Variants in SOX6 observed in about 807,000 individuals in gnomAD.
SOX6 encodes the protein SRY-box transcription factor 6.
SOX6 carries 11 observed loss-of-function variants against 97.8 expected under a neutral mutation model. That is an observed-to-expected ratio of 0.11 (90% confidence interval 0.07 to 0.19). The LOEUF is 0.19. Ranked by LOEUF, SOX6 falls within the 10% of genes least tolerant of loss-of-function variation. The probability of loss-of-function intolerance (pLI) is 1.00; values close to 1 mark genes in which losing one functional copy is unlikely to be tolerated. For missense variants in SOX6, 810 were observed against 1,039.5 expected (o/e 0.78, Z 3.04); for synonymous variants, 360 against 371.4 (o/e 0.97, Z 0.35).
intron 13 of SOX6, among the ~76,000 whole-genome samples, chr11:16,014,306 G>C (rs1854818787): frequency 6.6e-6 from 1 of 152,088 alleles, no homozygotes; most frequent in African/African-American, 2.4e-5. Flanking sequence ...AGGAAGGCTG[G>C]TCTTTCCACC....
At position 15,996,129 on chromosome 11, in the gene SOX6, T is replaced by C. The variant is rs183727421; in HGVS notation, c.1733-6899A>G. Among the ~76,000 whole-genome samples the C allele has an allele frequency of 4.7e-3, 723 of 152,286 alleles. 2 individuals are homozygous for C. The highest frequency in any genetic ancestry group is 0.01 in the Middle Eastern group (3 of 294). On this transcript the variant is annotated intron_variant, in intron 13 of 15. Coordinates refer to ENST00000683767, the MANE Select transcript of SOX6 (RefSeq NM_001367873.1). ...TTTTAAAAGACAAGGAACTATTTAATACAAAATATAACATCGTATTGTGGG... is the reference window on the plus strand; with the variant it reads ...TTTTAAAAGACAAGGAACTATTTAACACAAAATATAACATCGTATTGTGGG...
At chr11:16,269,968 G>T (rs1854202299) in intron 3 of SOX6, 1 of 151,178 alleles carries the variant, frequency 6.6e-6, no homozygotes, top group South Asian at 2.1e-4. Flanking sequence ...TGAATATAGT[G>T]GTGACAGTGG....
At chr11:16,136,620 G>A (rs1351251079) in intron 6 of SOX6, among the ~76,000 whole-genome samples, 1 of 151,966 alleles carries the variant, frequency 6.6e-6, no homozygotes, top group Non-Finnish European at 1.5e-5. Context: ...ATTTATTGTA[G>A]AAATATAGTC....
chr11:16,611,719 C>T (rs1848400741), intron 4 of SOX6, among the ~76,000 whole-genome samples: 1 of 152,160 alleles, frequency 6.6e-6, no homozygotes, highest in African/African-American at 2.4e-5. Context: ...TGAATAATGT[C>T]CTGCGTTCCT....
intron 4 of SOX6, among the ~76,000 whole-genome samples, chr11:16,549,931 AGGGG>A (rs956358017): frequency 2.0e-5 from 3 of 152,200 alleles, no homozygotes; most frequent in African/African-American, 4.8e-5. Context: ...AGTGGTTGTC[AGGGG>A]TATGAGTGAC....
At chr11:16,466,215 C>A (rs1027406599) in intron 1 of SOX6, among the ~76,000 whole-genome samples, 2 of 152,150 alleles carry the variant, frequency 1.3e-5, no homozygotes, top group Non-Finnish European at 2.9e-5. Context: ...CATTTTTATG[C>A]TTTGGAGCTA....
intron 4 of SOX6, among the ~76,000 whole-genome samples, chr11:16,523,767 T>A (rs570975414): frequency 6.6e-6 from 1 of 151,814 alleles, no homozygotes; most frequent in South Asian, 2.1e-4. Context: ...GAAAGAAGAA[T>A]CAAATAGACT....
At chr11:16,330,181 A>G (rs773421815) in intron 2 of SOX6, among the ~76,000 whole-genome samples, 4 of 152,220 alleles carry the variant, frequency 2.6e-5, no homozygotes, top group African/African-American at 4.8e-5. Flanking sequence ...CATGTTTTAA[A>G]GATTTCATGC....
chr11:16,641,836 C>G (rs1009866025), intron 3 of SOX6, among the ~76,000 whole-genome samples: 1 of 152,184 alleles, frequency 6.6e-6, no homozygotes. Flanking sequence ...ATACAGCACA[C>G]TGATGGGTCT....
At chr11:16,557,252 G>A (rs1847759882) in intron 4 of SOX6, among the ~76,000 whole-genome samples, 1 of 151,810 alleles carries the variant, frequency 6.6e-6, no homozygotes, top group Admixed American at 6.6e-5. Flanking sequence ...AGTAAGGTTA[G>A]GAACTTTTCC....
At chr11:16,250,126 G>A (rs1361352822) in intron 3 of SOX6, among the ~76,000 whole-genome samples, 1 of 152,148 alleles carries the variant, frequency 6.6e-6, no homozygotes, top group Non-Finnish European at 1.5e-5. Flanking sequence ...TACCACCTGA[G>A]CTCTGCCTCC....
chr11:16,098,446 A>G (rs116222825), intron 7 of SOX6, among the ~76,000 whole-genome samples: 289 of 151,996 alleles, frequency 1.9e-3, no homozygotes, highest in African/African-American at 6.7e-3. Flanking sequence ...GATGAATGCT[A>G]TATCTTAATG....
chr11:16,729,155 T>TG (rs1423146652), intron 2 of SOX6, among the ~76,000 whole-genome samples: 2 of 151,790 alleles, frequency 1.3e-5, no homozygotes, highest in Admixed American at 6.6e-5. Flanking sequence ...GGAAAACACT[T>TG]CAGGATATTA....
At chr11:16,402,718 A>G in intron 1 of SOX6, 1 of 1,610,616 alleles carries the variant, frequency 6.2e-7, no homozygotes, top group East Asian at 2.2e-5. Context: ...AACTGTAGGT[A>G]TTTGTTCCAT....
chr11:16,161,706 A>G (rs1840422), intron 6 of SOX6, among the ~76,000 whole-genome samples: 8,536 of 151,954 alleles, frequency 0.056, 619 homozygotes, highest in East Asian at 0.37. Context: ...AAGTTTTCTC[A>G]TTTTTCTTTT....
intron 1 of SOX6, among the ~76,000 whole-genome samples, chr11:16,390,165 C>T (rs187925526): frequency 5.5e-4 from 83 of 151,554 alleles, no homozygotes; most frequent in Non-Finnish European, 7.2e-4. Flanking sequence ...GTTGGGGTTC[C>T]CTTTCTGTGG....
chr11:16,381,958 C>A (rs186082710), intron 1 of SOX6, among the ~76,000 whole-genome samples: 1 of 151,972 alleles, frequency 6.6e-6, no homozygotes, highest in Non-Finnish European at 1.5e-5. Context: ...CACACACATA[C>A]AATAGATGTT....
rs1459238961 is a variant in SOX6, at chr11:16,516,590, A to T, written n.610-40202T>A. Among the ~76,000 whole-genome samples the T allele has an allele frequency of 3.8e-3, 585 of 152,012 alleles. 3 individuals carry two copies. Among genetic ancestry groups the T allele is most frequent in the African/African-American group, 0.014 (566 of 41,456 alleles). On this transcript the variant is annotated intron_variant and non_coding_transcript_variant, in intron 4 of 5. Transcript: ENST00000524520. ...CTAGAAAATCTAGAAGAAATGGATAAATTCCTCGACACATACACTCTCCCA... is the reference window on the plus strand; with the variant it reads ...CTAGAAAATCTAGAAGAAATGGATATATTCCTCGACACATACACTCTCCCA...
At chr11:16,654,789 T>G (rs780889330) in intron 3 of SOX6, among the ~76,000 whole-genome samples, 4 of 152,238 alleles carry the variant, frequency 2.6e-5, no homozygotes, top group Non-Finnish European at 4.4e-5. Flanking sequence ...TTAATCATAT[T>G]ATGTTCACCT....
Sources: allele counts gnomAD v4.1 joint callset (sites outside exome capture counted in the v4.1 genomes callset), GRCh38; gene constraint gnomAD v4.1.1; transcripts MANE v1.5; gene names NCBI Gene and HGNC (gene_info 2026-07-23, HGNC 2026-07-21).